The following ANKRD36 variants were observed in gnomAD, a reference collection of about 807,000 sequenced individuals.
The protein encoded by ANKRD36 is ankyrin repeat domain-containing protein 36A.
Under a neutral mutation model 278.1 loss-of-function variants are expected in ANKRD36, and 179 were observed. The observed-to-expected ratio is 0.64, with a 90% CI of 0.57 to 0.73. ANKRD36 has a LOEUF of 0.73. Among genes scored for constraint, ANKRD36 ranks in the 30% least tolerant of loss-of-function variants. The probability of loss-of-function intolerance (pLI) is 0.00; values close to 1 mark genes in which losing one functional copy is unlikely to be tolerated. For missense variants in ANKRD36, 1,159 were observed against 1,956.7 expected, an observed-to-expected ratio of 0.59 and a Z score of 7.69; for synonymous variants, 320 against 641.1, an observed-to-expected ratio of 0.50 and a Z score of 7.57.
chr2:97,209,428 C>G (rs1158457379), intron 54 of ANKRD36, among the ~76,000 whole-genome samples: 1 of 146,384 alleles, frequency 6.8e-6, no homozygotes, highest in Non-Finnish European at 1.5e-5. Context: ...GAGATTGACA[C>G]GGTTTTATTT....
chr2:97,137,538 C>T (rs1425308180), intron 6 of ANKRD36, among the ~76,000 whole-genome samples: 2 of 151,870 alleles, frequency 1.3e-5, no homozygotes, highest in South Asian at 2.1e-4. Context: ...ACTTCTGCCT[C>T]AGCCTTCTGA....
chr2:97,122,804 C>T (rs2037256147), intron 3 of ANKRD36, 83 bp from the exon 4 acceptor site: 1 of 1,303,308 alleles, frequency 7.7e-7, no homozygotes. Context: ...TTGAAGCTCA[C>T]AGGATCTTAC....
chr2:97,210,729 T>A (rs1421431312), intron 56 of ANKRD36, among the ~76,000 whole-genome samples: 23 of 151,912 alleles, frequency 1.5e-4, no homozygotes, highest in Non-Finnish European at 1.8e-4. Context: ...TGAATTCTAA[T>A]TAACTCCTAA....
intron 2 of ANKRD36, 25 bp from the exon 3 acceptor site, chr2:97,118,319 A>C (rs370518277): frequency 6.2e-6 from 10 of 1,611,130 alleles, no homozygotes; most frequent in Non-Finnish European, 7.6e-6. Flanking sequence ...CAGTATTTGC[A>C]TGTTTCTCGG....
intron 1 of ANKRD36, among the ~76,000 whole-genome samples, chr2:97,117,144 T>C (rs1247505241): frequency 6.6e-6 from 1 of 151,724 alleles, no homozygotes; most frequent in Admixed American, 6.6e-5. Flanking sequence ...CACTCTCAAA[T>C]ACTACTATTA....
chr2:97,128,899 A>C (rs1207302240), intron 6 of ANKRD36, among the ~76,000 whole-genome samples: 4 of 152,024 alleles, frequency 2.6e-5, no homozygotes, highest in African/African-American at 9.7e-5. Context: ...GCATTTCGAG[A>C]GTTTCAAGTT....
At chr2:97,208,173 G>A (rs2063382989) in intron 54 of ANKRD36, among the ~76,000 whole-genome samples, 167 bp downstream of exon 54, 2 of 146,238 alleles carry the variant, frequency 1.4e-5, no homozygotes, top group African/African-American at 5.3e-5. Flanking sequence ...CTGCTGGTCT[G>A]GAACATGATC....
intron 24 of ANKRD36, among the ~76,000 whole-genome samples, chr2:97,180,758 C>G (rs1015151300): frequency 6.6e-5 from 10 of 151,684 alleles, no homozygotes; most frequent in African/African-American, 2.4e-4. Flanking sequence ...ATACTCCCAA[C>G]AAGGCTATTT....
At chr2:97,235,436 C>T (rs1299994774) in intron 68 of ANKRD36, among the ~76,000 whole-genome samples, 5,250 of 139,462 alleles carry the variant, frequency 0.038, 33 homozygotes, top group African/African-American at 0.13. Flanking sequence ...TTCAGTAAAC[C>T]CACTGTAAAG....
At chr2:97,187,469 A>G in intron 32 of ANKRD36, 68 bp downstream of exon 32, 1 of 481,202 alleles carries the variant, frequency 2.1e-6, no homozygotes, top group South Asian at 1.8e-5. Flanking sequence ...TACCCCTAAT[A>G]AATCAGCGGA....
chr2:97,221,170 T>A (rs1285331072), intron 66 of ANKRD36, among the ~76,000 whole-genome samples: 2 of 134,540 alleles, frequency 1.5e-5, no homozygotes, highest in Non-Finnish European at 3.0e-5. Flanking sequence ...CTTAATCCAG[T>A]CTATCATTGT....
rs200480616 is a variant in ANKRD36 at position 97,158,116 on chromosome 2, G to C, written c.1270G>C (p.Glu424Gln). Residue 424 changes from glutamate to glutamine, a missense_variant, in exon 16 of 76, where the codon GAA (glutamate) becomes CAA (glutamine). By Grantham distance (29) the Glu-to-Gln change is conservative. Transcript: ENST00000420699. ...KFALESENIS[E>Q]PYFTNRRTIS... ...CTATTGTGTCTTCTAGAATATTTCA[G>C]AACCATACTTTACGAACAGAAGGAC... 7,194 of 1,510,552 alleles carry C rather than the reference G, an allele frequency of 4.8e-3. 183 individuals carry two copies. In the African/African-American group the frequency reaches 0.065, roughly 14 times the overall value. The allele number at this position is 1,510,552 out of a possible 1,614,324, so 93.6% of individuals were successfully genotyped here.
At chr2:97,192,640 A>T (rs1038056336) in intron 36 of ANKRD36, among the ~76,000 whole-genome samples, 1 of 151,688 alleles carries the variant, frequency 6.6e-6, no homozygotes, top group African/African-American at 2.4e-5. Flanking sequence ...GACAAATTAT[A>T]CCATGTTTGA....
intron 50 of ANKRD36, 112 bp from the exon 51 acceptor site, chr2:97,205,828 G>T: frequency 5.1e-6 from 7 of 1,371,492 alleles, no homozygotes; most frequent in Non-Finnish European, 7.0e-6. Context: ...AGCCATCAAA[G>T]CCTATGCTAA....
At chr2:97,210,649 A>G (rs1196210958) in intron 56 of ANKRD36, among the ~76,000 whole-genome samples, 1 of 151,834 alleles carries the variant, frequency 6.6e-6, no homozygotes, top group East Asian at 2.0e-4. Context: ...TGAAATAGCT[A>G]TTTAATGAAA....
chr2:97,202,869 T>C (rs2061783750), intron 48 of ANKRD36, among the ~76,000 whole-genome samples: 1 of 151,736 alleles, frequency 6.6e-6, no homozygotes, highest in Non-Finnish European at 1.5e-5. Context: ...CAGGAAGGGG[T>C]GAAAAGAGGA....
At chr2:97,134,035 C>T (rs1301955576) in intron 6 of ANKRD36, among the ~76,000 whole-genome samples, 1 of 152,130 alleles carries the variant, frequency 6.6e-6, no homozygotes, top group Admixed American at 6.6e-5. Context: ...AATACTTTTG[C>T]TGCCCTGAAA....
intron 12 of ANKRD36, among the ~76,000 whole-genome samples, 176 bp downstream of exon 12, chr2:97,149,537 TG>T (rs544654075): frequency 1.2e-4 from 19 of 152,126 alleles, no homozygotes; most frequent in African/African-American, 4.1e-4. Context: ...TTTTTTACTT[TG>T]GCAAATAAGA....
intron 67 of ANKRD36, among the ~76,000 whole-genome samples, chr2:97,233,368 A>G (rs1292878044): frequency 6.7e-6 from 1 of 149,756 alleles, no homozygotes; most frequent in African/African-American, 2.5e-5. Context: ...TTTTTTACTT[A>G]TGAAAATCTC....
Sources: gnomAD v4.1 joint callset for allele counts (sites outside exome capture counted in the v4.1 genomes callset) on GRCh38, gnomAD v4.1.1 for gene constraint, MANE v1.5 for transcripts, NCBI Gene and HGNC (gene_info 2026-07-23, HGNC 2026-07-21) for gene names.